Variants in EDEM1 observed in about 807,000 individuals in gnomAD.
EDEM1 encodes the protein ER degradation enhancing alpha-mannosidase like protein 1, also known as ER degradation-enhancing alpha-mannosidase-like protein 1.
Under a neutral mutation model 74.4 loss-of-function variants are expected in EDEM1, and 67 were observed. The ratio of observed to expected loss-of-function variants is 0.90; its 90% CI spans 0.74 to 1.10. The LOEUF (loss-of-function observed/expected upper bound fraction) is 1.10. Among genes scored for constraint, EDEM1 ranks in the 50% least tolerant of loss-of-function variants. EDEM1 has a pLI of 0.00. For missense variants in EDEM1, 926 were observed against 851.6 expected (o/e 1.09, Z -1.09); for synonymous variants, 382 against 335.9 (o/e 1.14, Z -1.50).
In EDEM1 at chr3:5,188,226, G is replaced by T; in HGVS notation, c.421G>T (p.Gly141Cys). The change falls in exon 1 of 12, where the codon GGC becomes TGC. Residue 141 changes from glycine to cysteine, a missense_variant. Coordinates refer to ENST00000256497, the MANE Select transcript of EDEM1 (RefSeq NM_014674.3). The stretch of plus-strand genomic sequence containing the variant: ...CCTGGCACGGGGCATGTTCGTCTTT[G>T]GCTACGACAACTACATGGCTCACGC... ...RDLARGMFVF[G>C]YDNYMAHAFP... is the part of the protein sequence containing the mutation. The T allele has an allele frequency of 6.3e-7, 1 of 1,584,370 alleles. No homozygotes were observed. The highest frequency in any genetic ancestry group is 1.7e-4 in the Middle Eastern group (1 of 5,988).
intron 9 of EDEM1, 43 bp downstream of exon 9, chr3:5,210,291 A>T (rs1170362092): frequency 1.9e-6 from 3 of 1,544,208 alleles, no homozygotes; most frequent in Non-Finnish European, 1.8e-6. Context: ...AGCCACTTTT[A>T]ATTTATTTCA....
rs773421078 is a variant in EDEM1 at position 5,199,610 on chromosome 3, G to A, written c.601G>A (p.Glu201Lys). Residue 201 changes from glutamate (E) to lysine (K), a missense_variant, in exon 3 of 12, where the codon GAG becomes AAG. Glu to Lys is a moderately conservative substitution (Grantham distance 56, BLOSUM62 1). Transcript: ENST00000256497. ...TTTAAAGATAATGGGAAATTCATCC[G>A]AGTTCCAGAAAGCCGTCAAGTTAGT... ...DTLAIMGNSS[E>K]FQKAVKLVIN... is the part of the protein sequence containing the mutation. 15 of 1,612,744 alleles carry A rather than the reference G, an allele frequency of 9.3e-6. No homozygotes were observed. The highest frequency in any genetic ancestry group is 1.7e-5 in the Admixed American group (1 of 59,736).
chr3:5,189,984 T>C (rs2054881216), intron 1 of EDEM1, among the ~76,000 whole-genome samples: 1 of 76,706 alleles, frequency 1.3e-5, no homozygotes, highest in Admixed American at 1.8e-4. Context: ...GTATTTTCTT[T>C]CTTAGTTTTT....
At position 5,194,800 on chromosome 3, in the gene EDEM1, T is replaced by C. The variant is rs997774089; in HGVS notation, c.510-409T>C. On this transcript the variant is annotated intron_variant, in intron 1 of 11. Coordinates refer to ENST00000256497, the MANE Select transcript of EDEM1 (RefSeq NM_014674.3). ...GTGTAATATAGGCTGTGGTGTCTAATTTCTGTATTAAAGTATTACAGGTGG... is the reference window on the plus strand; with the variant it reads ...GTGTAATATAGGCTGTGGTGTCTAACTTCTGTATTAAAGTATTACAGGTGG... 2.6e-5 allele frequency among the ~76,000 whole-genome samples: 4 copies of C among 152,244 alleles called. No homozygotes were observed. In the South Asian group the frequency reaches 8.3e-4, roughly 31 times the overall value.
At chr3:5,198,774 GATTTTGGGGTCCCAGAA>G (rs1209462168) in intron 2 of EDEM1, among the ~76,000 whole-genome samples, 1 of 147,998 alleles carries the variant, frequency 6.8e-6, no homozygotes, top group Non-Finnish European at 1.5e-5. Flanking sequence ...TTGGCTTAGT[GATTTTGGGGTCCCAGAA>G]ATTTATTTTT....
intron 2 of EDEM1, among the ~76,000 whole-genome samples, chr3:5,196,144 T>C (rs2054963561): frequency 6.6e-6 from 1 of 151,992 alleles, no homozygotes; most frequent in African/African-American, 2.4e-5. Flanking sequence ...CATAGAAGAG[T>C]TTAAAGCTGT....
intron 2 of EDEM1, among the ~76,000 whole-genome samples, chr3:5,195,635 C>G (rs1276745997): frequency 5.3e-5 from 8 of 152,182 alleles, no homozygotes; most frequent in Admixed American, 5.2e-4. Flanking sequence ...GAGAGAAGAT[C>G]TAAGGGTTGG....
Position 5,202,960 on chromosome 3 carries a change from C to T in EDEM1, c.859-6C>T, listed in dbSNP as rs2055051060. 1.1e-5 allele frequency: 17 copies of T among 1,612,762 alleles called. 1 individual carries two copies. In the Middle Eastern group the frequency reaches 5.0e-4, roughly 47 times the overall value. On this transcript the variant is annotated splice_region_variant and splice_polypyrimidine_tract_variant and intron_variant, in intron 4 of 11. Transcript: ENST00000256497. ...TGTCACAGTCTTTGTCTGTTCCCAT[C>T]CCCAGGTGAATCTAAAGACAGGAGT...
At chr3:5,196,918 T>G (rs969760402) in intron 2 of EDEM1, among the ~76,000 whole-genome samples, 50 of 145,274 alleles carry the variant, frequency 3.4e-4, no homozygotes, top group African/African-American at 1.2e-3. Context: ...TCGTCGTCTT[T>G]TCTTTTCTTT....
chr3:5,201,693 G>A (rs1317337641), intron 3 of EDEM1, 60 bp from the exon 4 acceptor site: 1 of 1,591,574 alleles, frequency 6.3e-7, no homozygotes, highest in Non-Finnish European at 8.6e-7. Flanking sequence ...TTTCTGAATT[G>A]GATTATGTGC....
chr3:5,215,341 TAGTG>T (rs60383284), intron 11 of EDEM1, among the ~76,000 whole-genome samples: 2,926 of 152,128 alleles, frequency 0.019, 101 homozygotes, highest in African/African-American at 0.067. Flanking sequence ...ATTTAGAGTT[TAGTG>T]AGTTGTGAAT....
chr3:5,196,938 T>C (rs2054975731), intron 2 of EDEM1, among the ~76,000 whole-genome samples: 1 of 150,494 alleles, frequency 6.6e-6, no homozygotes. Flanking sequence ...TTCTTTTCTT[T>C]TTTTTTTTTT....
chr3:5,210,966 G>T (rs1318535543), intron 9 of EDEM1, among the ~76,000 whole-genome samples, 154 bp from the exon 10 acceptor site: 4 of 152,138 alleles, frequency 2.6e-5, no homozygotes, highest in Non-Finnish European at 5.9e-5. Flanking sequence ...AACAACCCAG[G>T]CTATAAAAAA....
chr3:5,205,929 A>G (rs540802780), intron 6 of EDEM1, among the ~76,000 whole-genome samples: 1 of 152,304 alleles, frequency 6.6e-6, no homozygotes, highest in East Asian at 1.9e-4. Context: ...ACTTGCTGCT[A>G]CTACAGGGGC....
Position 5,216,869 on chromosome 3 carries a change from A to G in EDEM1, c.*951A>G, listed in dbSNP as rs974590027. The G allele has an allele frequency of 1.3e-5, 2 of 152,626 alleles. No individual in the cohort carries two copies. The highest frequency in any genetic ancestry group is 2.9e-5 in the Non-Finnish European group (2 of 68,032). The allele number at this position is 152,626 out of a possible 1,614,324, so 9.5% of individuals were successfully genotyped here. On this transcript the variant is annotated 3_prime_UTR_variant, in exon 12 of 12. Coordinates refer to ENST00000256497, the MANE Select transcript of EDEM1 (RefSeq NM_014674.3). ...AGCTTCCATCTTTCTCATATTTCCT[A>G]AGCAAGGATTCTCACTTCTGACCAT...
chr3:5,190,945 A>G (rs1205174036), intron 1 of EDEM1, among the ~76,000 whole-genome samples: 1 of 152,136 alleles, frequency 6.6e-6, no homozygotes, highest in Non-Finnish European at 1.5e-5. Flanking sequence ...TACATGAGAT[A>G]TTTTGGCACA....
In EDEM1 at chr3:5,206,719, C is replaced by A. The variant is rs142279909; in HGVS notation, c.1218-434C>A. 5.7e-3 allele frequency among the ~76,000 whole-genome samples: 875 copies of A among 152,204 alleles called. 8 individuals are homozygous for A. The highest frequency in any genetic ancestry group is 0.019 in the African/African-American group (809 of 41,504). On this transcript the variant is annotated intron_variant, in intron 6 of 11. Transcript: ENST00000256497. ...CACAAACTAAATTGAGCAGTAATCC[C>A]CAAGGGTCTTGCTCTGATGCATTTC...
Position 5,213,317 on chromosome 3 carries a change from A to G in EDEM1, c.1681-2A>G, listed in dbSNP as rs1373189871. The G allele has an allele frequency of 6.2e-7, 1 of 1,612,396 alleles. No homozygotes were observed. Among genetic ancestry groups the G allele is most frequent in the East Asian group, 2.2e-5 (1 of 44,860 alleles). On this transcript the variant is annotated splice_acceptor_variant, in intron 10 of 11. Coordinates refer to ENST00000256497, the MANE Select transcript of EDEM1 (RefSeq NM_014674.3). LOFTEE classifies it high-confidence loss of function. The stretch of plus-strand genomic sequence containing the variant: ...TTGTATCTTTTTCTCCGTTCCCTCT[A>G]GCTGTTTGATGAAGACAATCCAGTA...
chr3:5,208,359 T>C (rs922054007), intron 8 of EDEM1, 96 bp downstream of exon 8: 75 of 1,443,406 alleles, frequency 5.2e-5, no homozygotes, highest in Non-Finnish European at 6.8e-5. Flanking sequence ...TTTAGGGTTA[T>C]GTTGTTTCAT....
Sources: allele counts gnomAD v4.1 joint callset (sites outside exome capture counted in the v4.1 genomes callset), GRCh38; gene constraint gnomAD v4.1.1; transcripts MANE v1.5; gene names NCBI Gene and HGNC (gene_info 2026-07-23, HGNC 2026-07-21).